DSCAM: variants seen among roughly 807,000 people sequenced by gnomAD.
The protein encoded by DSCAM is cell adhesion molecule DSCAM.
Under a neutral mutation model 217.7 loss-of-function variants are expected in DSCAM, and 47 were observed. The ratio of observed to expected loss-of-function variants is 0.22; its 90% confidence interval spans 0.17 to 0.28. DSCAM has a LOEUF of 0.28. DSCAM is among the 10% of genes least tolerant of loss of function. The probability of loss-of-function intolerance (pLI) is 1.00; values close to 1 mark genes in which losing one functional copy is unlikely to be tolerated. For synonymous variants in DSCAM, 1,056 were observed against 1,015.3 expected, an observed-to-expected ratio of 1.04 and a Z score of -0.76; for missense variants, 2,080 against 2,618.3, an observed-to-expected ratio of 0.79 and a Z score of 4.49.
intron 1 of DSCAM, among the ~76,000 whole-genome samples, chr21:40,746,700 C>T (rs2091178428): frequency 6.6e-6 from 1 of 151,890 alleles, no homozygotes; most frequent in African/African-American, 2.4e-5. Context: ...TGGATTTAAA[C>T]AGCCTTCTAG....
intron 3 of DSCAM, among the ~76,000 whole-genome samples, chr21:40,378,815 G>A (rs1056242535): frequency 2.6e-5 from 4 of 151,670 alleles, no homozygotes; most frequent in Non-Finnish European, 4.4e-5. Context: ...GGATGGTCTC[G>A]ATCTCCTGAC....
At chr21:40,167,721 AATCAAGATTCTTCT>A (rs1168242869) in intron 15 of DSCAM, among the ~76,000 whole-genome samples, 2 of 152,200 alleles carry the variant, frequency 1.3e-5, no homozygotes, top group African/African-American at 4.8e-5. Flanking sequence ...GGGCAAAAAT[AATCAAGATTCTTCT>A]GCCTTTGGGT....
chr21:40,057,497 A>G (rs565487229), intron 28 of DSCAM, among the ~76,000 whole-genome samples: 1 of 152,310 alleles, frequency 6.6e-6, no homozygotes, highest in African/African-American at 2.4e-5. Flanking sequence ...TGCACCAAAA[A>G]TAGAAGTGTG....
intron 3 of DSCAM, among the ~76,000 whole-genome samples, chr21:40,473,476 C>T (rs899898693): frequency 1.3e-5 from 2 of 152,176 alleles, no homozygotes; most frequent in South Asian, 2.1e-4. Flanking sequence ...CGGATGCCGA[C>T]CCCTTAGATA....
intron 9 of DSCAM, among the ~76,000 whole-genome samples, chr21:40,308,679 G>C (rs1904287401): frequency 6.6e-6 from 1 of 152,132 alleles, no homozygotes; most frequent in Admixed American, 6.6e-5. Flanking sequence ...ACCCCAAGCA[G>C]CTATCTGGGG....
At chr21:40,690,806 T>G (rs1024282058) in intron 3 of DSCAM, among the ~76,000 whole-genome samples, 4 of 152,196 alleles carry the variant, frequency 2.6e-5, no homozygotes, top group African/African-American at 7.2e-5. Flanking sequence ...AGAACACACG[T>G]ATTATGCATA....
chr21:40,368,653 T>C (rs977149056), intron 4 of DSCAM, among the ~76,000 whole-genome samples: 3 of 152,346 alleles, frequency 2.0e-5, no homozygotes, highest in South Asian at 2.1e-4. Context: ...CAAATATTGA[T>C]AGCAAGCAAC....
At chr21:40,208,146 T>C (rs2091145668) in intron 11 of DSCAM, among the ~76,000 whole-genome samples, 1 of 152,140 alleles carries the variant, frequency 6.6e-6, no homozygotes, top group African/African-American at 2.4e-5. Context: ...CAACAAATAT[T>C]CCTGGTTCAA....
chr21:40,064,475 A>G (rs1036494513), intron 27 of DSCAM, among the ~76,000 whole-genome samples: 4 of 152,310 alleles, frequency 2.6e-5, no homozygotes, highest in Admixed American at 2.6e-4. Flanking sequence ...GGAGTCCAGC[A>G]GGGAGAAAAG....
chr21:40,546,183 CT>C (rs1433582380), intron 3 of DSCAM, among the ~76,000 whole-genome samples: 1 of 152,206 alleles, frequency 6.6e-6, no homozygotes, highest in African/African-American at 2.4e-5. Context: ...AAGTCCTTTT[CT>C]TGGGAAAATG....
chr21:40,191,073 G>C, intron 11 of DSCAM, among the ~76,000 whole-genome samples: 1 of 152,176 alleles, frequency 6.6e-6, no homozygotes, highest in Non-Finnish European at 1.5e-5. Context: ...CTACGTACTT[G>C]ATTGCTTGCC....
At chr21:40,167,419 T>C (rs2090609610) in intron 15 of DSCAM, 131 bp from the exon 16 acceptor site, 3 of 707,184 alleles carry the variant, frequency 4.2e-6, no homozygotes, top group Non-Finnish European at 7.3e-6. Context: ...TTTTTAGCGG[T>C]CATGGGAAAT....
intron 3 of DSCAM, among the ~76,000 whole-genome samples, chr21:40,470,568 T>C (rs1265354289): frequency 6.6e-6 from 1 of 152,218 alleles, no homozygotes; most frequent in Non-Finnish European, 1.5e-5. Context: ...TATTAGGTTT[T>C]TGAGACAAAG....
intron 3 of DSCAM, among the ~76,000 whole-genome samples, chr21:40,462,502 C>T (rs181876199): frequency 6.6e-6 from 1 of 152,268 alleles, no homozygotes; most frequent in Non-Finnish European, 1.5e-5. Flanking sequence ...ATTGGAATCA[C>T]GTGGAGATCT....
At chr21:40,251,008 G>A (rs1435090704) in intron 11 of DSCAM, among the ~76,000 whole-genome samples, 1 of 152,206 alleles carries the variant, frequency 6.6e-6, no homozygotes, top group African/African-American at 2.4e-5. Flanking sequence ...AAAAGGGAGT[G>A]GAGGCCTTTT....
chr21:40,694,367 G>T (rs996038952), intron 2 of DSCAM, among the ~76,000 whole-genome samples: 11 of 152,012 alleles, frequency 7.2e-5, no homozygotes, highest in African/African-American at 2.7e-4. Flanking sequence ...CCATGAAAAT[G>T]GTTTCAAAAG....
At chr21:40,840,091 T>C (rs999522496) in intron 1 of DSCAM, among the ~76,000 whole-genome samples, 3 of 152,294 alleles carry the variant, frequency 2.0e-5, no homozygotes, top group African/African-American at 7.2e-5. Flanking sequence ...CTGATAAATA[T>C]TGTAAGCTAT....
At chr21:40,108,788 G>GT (rs2089855921) in intron 20 of DSCAM, among the ~76,000 whole-genome samples, 1 of 152,132 alleles carries the variant, frequency 6.6e-6, no homozygotes, top group Non-Finnish European at 1.5e-5. Context: ...CATGGTTCTG[G>GT]TACAAGAACA....
rs567414722 is a variant in DSCAM, at chr21:40,411,147, T to G, written c.509-41902A>C. Among the ~76,000 whole-genome samples, 14 of 147,868 alleles carry G rather than the reference T, an allele frequency of 9.5e-5. No homozygotes were observed. The South Asian group carries it at 2.8e-3, about 29-fold the overall frequency. On this transcript the variant is annotated intron_variant, in intron 3 of 32. Coordinates refer to ENST00000400454, the MANE Select transcript of DSCAM (RefSeq NM_001389.5). ...CAACAATATATGTGACCAGACTCAATATTACTTGAAGATAGACAGTAATTA... is the reference window on the plus strand; with the variant it reads ...CAACAATATATGTGACCAGACTCAAGATTACTTGAAGATAGACAGTAATTA...
Sources: allele counts gnomAD v4.1 joint callset (sites outside exome capture counted in the v4.1 genomes callset), GRCh38; gene constraint gnomAD v4.1.1; transcripts MANE v1.5; gene names NCBI Gene and HGNC (gene_info 2026-07-23, HGNC 2026-07-21).